The following PLXNA4 variants were observed in gnomAD, a reference collection of about 807,000 sequenced individuals.
The protein encoded by PLXNA4 is plexin A4.
A neutral mutation model predicts 191.8 loss-of-function variants in PLXNA4; 44 were observed. The ratio of observed to expected loss-of-function variants is 0.23; its 90% confidence interval spans 0.18 to 0.29. The LOEUF (loss-of-function observed/expected upper bound fraction) is 0.29, where lower values mean the gene tolerates loss of function less well. Ranked by LOEUF, PLXNA4 falls within the 10% of genes least tolerant of loss-of-function variation. The probability of loss-of-function intolerance (pLI) is 1.00; values close to 1 mark genes in which losing one functional copy is unlikely to be tolerated. For missense variants in PLXNA4, 1,800 were observed against 2,488.8 expected, an observed-to-expected ratio of 0.72 and a Z score of 5.89; for synonymous variants, 1,082 against 1,009.5, an observed-to-expected ratio of 1.07 and a Z score of -1.36.
At chr7:132,133,352 C>G (rs1239198815) in intron 30 of PLXNA4, among the ~76,000 whole-genome samples, 153 bp from the exon 31 acceptor site, 3 of 152,144 alleles carry the variant, frequency 2.0e-5, no homozygotes, top group African/African-American at 7.2e-5. Context: ...CCACTGTGGT[C>G]TCTCTCTCAT....
At chr7:132,343,559 C>A (rs1030251223) in intron 3 of PLXNA4, among the ~76,000 whole-genome samples, 7 of 152,190 alleles carry the variant, frequency 4.6e-5, no homozygotes, top group Non-Finnish European at 7.3e-5. Flanking sequence ...CTTCCAGAGC[C>A]CCCTGGCTTA....
At chr7:132,374,723 GA>G (rs1804588429) in intron 3 of PLXNA4, among the ~76,000 whole-genome samples, 1 of 152,198 alleles carries the variant, frequency 6.6e-6, no homozygotes, top group African/African-American at 2.4e-5. Flanking sequence ...CAAGAAAACA[GA>G]AAAGTCATGA....
At chr7:132,380,431 T>C (rs975869106) in intron 3 of PLXNA4, among the ~76,000 whole-genome samples, 1 of 151,710 alleles carries the variant, frequency 6.6e-6, no homozygotes. Context: ...AGCAGATGGA[T>C]GGAATCAGAG....
chr7:132,562,672 T>C (rs1405469429), intron 1 of PLXNA4, among the ~76,000 whole-genome samples: 4 of 85,836 alleles, frequency 4.7e-5, no homozygotes, highest in South Asian at 1.1e-3. Context: ...CTCTTCCTCC[T>C]CCTCCTCCTC....
intron 3 of PLXNA4, among the ~76,000 whole-genome samples, chr7:132,321,507 G>A (rs961353414): frequency 6.6e-6 from 1 of 152,082 alleles, no homozygotes; most frequent in African/African-American, 2.4e-5. Context: ...ACAGCAGACG[G>A]TGGGTCACCT....
At chr7:132,470,301 AG>A (rs1241369498) in intron 3 of PLXNA4, among the ~76,000 whole-genome samples, 6 of 152,174 alleles carry the variant, frequency 3.9e-5, no homozygotes, top group African/African-American at 1.4e-4. Context: ...CTTGGATCAG[AG>A]GACCTGAAGT....
At chr7:132,291,561 C>G (rs552065388) in intron 4 of PLXNA4, among the ~76,000 whole-genome samples, 3 of 152,308 alleles carry the variant, frequency 2.0e-5, no homozygotes, top group African/African-American at 7.2e-5. Context: ...GAATAAGGTG[C>G]TGAGGGAATG....
chr7:132,175,961 G>A (rs756264808), intron 20 of PLXNA4, among the ~76,000 whole-genome samples: 2 of 152,218 alleles, frequency 1.3e-5, no homozygotes, highest in Non-Finnish European at 2.9e-5. Flanking sequence ...CAGAAGGGAT[G>A]AACAAGCCCA....
intron 2 of PLXNA4, among the ~76,000 whole-genome samples, chr7:132,592,192 G>T (rs1403899461): frequency 6.6e-6 from 1 of 152,154 alleles, no homozygotes; most frequent in African/African-American, 2.4e-5. Context: ...AATGAGAATT[G>T]CCCATATCTA....
intron 4 of PLXNA4, among the ~76,000 whole-genome samples, chr7:132,281,277 T>A: frequency 6.6e-6 from 1 of 152,214 alleles, no homozygotes; most frequent in East Asian, 1.9e-4. Flanking sequence ...AAGTGCATTG[T>A]TGGCTGTGCT....
At chr7:132,501,376 C>T (rs915381507) in intron 2 of PLXNA4, among the ~76,000 whole-genome samples, 3 of 152,170 alleles carry the variant, frequency 2.0e-5, no homozygotes, top group Non-Finnish European at 4.4e-5. Flanking sequence ...GTCCATGTCT[C>T]AGTATTGTGA....
At chr7:132,546,209 A>G (rs1800297447) in intron 1 of PLXNA4, among the ~76,000 whole-genome samples, 1 of 152,220 alleles carries the variant, frequency 6.6e-6, no homozygotes, top group African/African-American at 2.4e-5. Context: ...ATGAAAAACA[A>G]TGGCAGCACT....
intron 3 of PLXNA4, among the ~76,000 whole-genome samples, chr7:132,422,833 T>A (rs1490721476): frequency 6.6e-6 from 1 of 152,094 alleles, no homozygotes; most frequent in Non-Finnish European, 1.5e-5. Context: ...GGGCAGAGGA[T>A]CATAAAGATT....
In PLXNA4 at chr7:132,269,641, T is replaced by C. The variant is rs563095412; in HGVS notation, c.1503+28450A>G. Among the ~76,000 whole-genome samples the C allele has an allele frequency of 2.1e-4, 32 of 149,714 alleles. 2 individuals carry two copies. Among genetic ancestry groups the C allele is most frequent in the Admixed American group, 2.1e-3 (32 of 15,186 alleles). ...CACTGGTGGGACTCTGACACATTAA[T>C]TTTTTTTCTGCCAAAAAAAGATCTT... On this transcript the variant is annotated intron_variant, in intron 4 of 31. Coordinates refer to ENST00000321063, the MANE Select transcript of PLXNA4 (RefSeq NM_020911.2).
At chr7:132,437,468 G>A (rs1431544248) in intron 3 of PLXNA4, among the ~76,000 whole-genome samples, 1 of 151,932 alleles carries the variant, frequency 6.6e-6, no homozygotes, top group Non-Finnish European at 1.5e-5. Flanking sequence ...GCAATCACTG[G>A]TGATGTGTGG....
intron 3 of PLXNA4, among the ~76,000 whole-genome samples, chr7:132,308,142 A>T (rs1186834858): frequency 1.3e-5 from 2 of 152,194 alleles, no homozygotes; most frequent in African/African-American, 2.4e-5. Flanking sequence ...AAGGGAAGTC[A>T]ATAGGGCTGA....
intron 2 of PLXNA4, among the ~76,000 whole-genome samples, chr7:132,623,328 A>G (rs1803307671): frequency 6.6e-6 from 1 of 151,392 alleles, no homozygotes; most frequent in South Asian, 2.1e-4. Flanking sequence ...CCTGGGTGAC[A>G]AGAGCAAAAT....
intron 3 of PLXNA4, among the ~76,000 whole-genome samples, chr7:132,367,445 G>A (rs1563060096): frequency 6.6e-6 from 1 of 151,974 alleles, no homozygotes; most frequent in Non-Finnish European, 1.5e-5. Context: ...TGGCAGGGAA[G>A]GAGGGAGATA....
chr7:132,152,253 G>A (rs1212806937), intron 25 of PLXNA4, among the ~76,000 whole-genome samples: 4 of 152,166 alleles, frequency 2.6e-5, no homozygotes, highest in Admixed American at 1.3e-4. Context: ...TAAGCTGCAT[G>A]GCTGGGCTCA....
Sources: allele counts gnomAD v4.1 joint callset (sites outside exome capture counted in the v4.1 genomes callset), GRCh38; gene constraint gnomAD v4.1.1; transcripts MANE v1.5; gene names NCBI Gene and HGNC (gene_info 2026-07-23, HGNC 2026-07-21).